FGD6: variants seen among roughly 807,000 people sequenced by gnomAD.
The protein encoded by FGD6 is FYVE, RhoGEF and PH domain containing 6, also known as FYVE, RhoGEF and PH domain-containing protein 6.
A neutral mutation model predicts 149.4 loss-of-function variants in FGD6; 90 were observed. That is an observed-to-expected ratio of 0.60 (90% CI 0.51 to 0.72). FGD6 has a LOEUF of 0.72. FGD6 is among the 30% of genes least tolerant of loss of function. The pLI, the probability that FGD6 is intolerant of heterozygous loss-of-function variation, is 0.00. For missense variants in FGD6, 1,437 were observed against 1,684.8 expected, an observed-to-expected ratio of 0.85 and a Z score of 2.57; for synonymous variants, 527 against 584.0, an observed-to-expected ratio of 0.90 and a Z score of 1.41.
chr12:95,118,180 A>T (rs1879078112), intron 8 of FGD6, among the ~76,000 whole-genome samples: 1 of 151,554 alleles, frequency 6.6e-6, no homozygotes, highest in Non-Finnish European at 1.5e-5. Flanking sequence ...GTGAAACCCC[A>T]TCTCTACTAA....
chr12:95,169,713 C>T (rs183946735), intron 3 of FGD6, among the ~76,000 whole-genome samples: 5 of 152,262 alleles, frequency 3.3e-5, no homozygotes, highest in Admixed American at 1.3e-4. Context: ...AAAAGATTCA[C>T]GCAAAACAAA....
At chr12:95,203,657 A>G (rs2056674756) in intron 2 of FGD6, among the ~76,000 whole-genome samples, 1 of 142,082 alleles carries the variant, frequency 7.0e-6, no homozygotes, top group Non-Finnish European at 1.5e-5. Context: ...TGAAAGTACA[A>G]TGCTTGACAT....
intron 12 of FGD6, 89 bp downstream of exon 12, chr12:95,107,474 G>A: frequency 7.8e-7 from 1 of 1,281,560 alleles, no homozygotes; most frequent in Non-Finnish European, 1.1e-6. Context: ...ATTTGAAGGT[G>A]CTAAGCTTAT....
chr12:95,173,646 G>T (rs1881053776), intron 2 of FGD6, among the ~76,000 whole-genome samples: 1 of 152,170 alleles, frequency 6.6e-6, no homozygotes, highest in Non-Finnish European at 1.5e-5. Flanking sequence ...GCATTGGCTG[G>T]AAAGATTCAG....
At chr12:95,112,451 T>C (rs1353297049) in intron 9 of FGD6, among the ~76,000 whole-genome samples, 1 of 151,426 alleles carries the variant, frequency 6.6e-6, no homozygotes, top group Non-Finnish European at 1.5e-5. Flanking sequence ...AATACAAAAA[T>C]CAGCCGGGCA....
chr12:95,183,422 T>C (rs1410913044), intron 2 of FGD6, among the ~76,000 whole-genome samples: 1 of 152,204 alleles, frequency 6.6e-6, no homozygotes. Context: ...TGCCCTCCTC[T>C]AGGCTGGGAC....
intron 3 of FGD6, among the ~76,000 whole-genome samples, chr12:95,164,073 A>G (rs951074569): frequency 6.6e-6 from 1 of 152,208 alleles, no homozygotes; most frequent in Non-Finnish European, 1.5e-5. Flanking sequence ...GCGTCTCCCA[A>G]AAGTACACTG....
chr12:95,204,629 C>CT (rs1426382792), intron 2 of FGD6, among the ~76,000 whole-genome samples: 2 of 152,166 alleles, frequency 1.3e-5, no homozygotes, highest in East Asian at 3.9e-4. Context: ...ATTTGCTCCT[C>CT]TGAGATCCCA....
In FGD6 at chr12:95,209,118, C is replaced by T. The variant is rs150895781; in HGVS notation, c.2166G>A (p.Leu722=). Reference sequence around the variant, plus strand: ...ACTCCCGGGAGAGCATTTGGTCATCCAAAGACTCAGCTCTCAGACCATTAG... The same window carrying T: ...ACTCCCGGGAGAGCATTTGGTCATCTAAAGACTCAGCTCTCAGACCATTAG... ...SAANGLRAES[L]DDQMLSRESS... Residue 722 remains leucine, a synonymous_variant, in exon 2 of 21, where the codon TTG becomes TTA. Coordinates refer to ENST00000343958, the MANE Select transcript of FGD6 (RefSeq NM_018351.4). The T allele has an allele frequency of 1.9e-6, 3 of 1,614,132 alleles. No homozygotes were observed. The highest frequency in any genetic ancestry group is 1.1e-5 in the South Asian group (1 of 91,074).
intron 2 of FGD6, among the ~76,000 whole-genome samples, chr12:95,192,321 C>G (rs1191346713): frequency 6.6e-6 from 1 of 152,090 alleles, no homozygotes; most frequent in Non-Finnish European, 1.5e-5. Flanking sequence ...TGAGTTGGTG[C>G]TGTGCAACAG....
chr12:95,136,133 G>A (rs1415555865), intron 7 of FGD6, among the ~76,000 whole-genome samples: 1 of 152,154 alleles, frequency 6.6e-6, no homozygotes, highest in Non-Finnish European at 1.5e-5. Flanking sequence ...GCCAAGGTGG[G>A]TGGATCATGA....
chr12:95,200,473 C>G (rs2056651292), intron 2 of FGD6, among the ~76,000 whole-genome samples: 1 of 152,106 alleles, frequency 6.6e-6, no homozygotes, highest in Non-Finnish European at 1.5e-5. Flanking sequence ...GCATTTCCAT[C>G]ACTGTTCATT....
intron 5 of FGD6, among the ~76,000 whole-genome samples, chr12:95,146,597 G>C (rs117500433): frequency 1.7e-4 from 26 of 152,180 alleles, no homozygotes; most frequent in Non-Finnish European, 3.1e-4. Flanking sequence ...CAAGTACCTC[G>C]ACTTCATCCT....
intron 2 of FGD6, among the ~76,000 whole-genome samples, chr12:95,182,919 T>C (rs1320879895): frequency 6.6e-6 from 1 of 152,238 alleles, no homozygotes; most frequent in Admixed American, 6.5e-5. Context: ...TTTGTCCTGG[T>C]GTCAGCTGTA....
At chr12:95,201,171 T>C (rs1460731699) in intron 2 of FGD6, among the ~76,000 whole-genome samples, 1 of 152,198 alleles carries the variant, frequency 6.6e-6, no homozygotes, top group African/African-American at 2.4e-5. Flanking sequence ...CTTATGAATA[T>C]GTGAAATATG....
chr12:95,165,628 G>A lies in FGD6; in HGVS notation c.2586+6972C>T, dbSNP rs1019545820. On this transcript the variant is annotated intron_variant, in intron 3 of 20. Transcript: ENST00000343958. ...GCTAAGATTACAGGCATGAGCCACC[G>A]CGCCCGGCCAATTTTGTTTTTTCCT... Among the ~76,000 whole-genome samples the A allele has an allele frequency of 3.5e-4, 52 of 149,450 alleles. 1 individual carries two copies. The highest frequency in any genetic ancestry group is 2.2e-4 in the Non-Finnish European group (15 of 67,230).
chr12:95,165,967 T>TG (rs1014340333), intron 3 of FGD6, among the ~76,000 whole-genome samples: 12 of 151,206 alleles, frequency 7.9e-5, no homozygotes, highest in Non-Finnish European at 1.3e-4. Flanking sequence ...TTTTCTGTTT[T>TG]TTTTTTTTTT....
At chr12:95,145,545 T>C (rs1879986353) in intron 5 of FGD6, among the ~76,000 whole-genome samples, 1 of 152,138 alleles carries the variant, frequency 6.6e-6, no homozygotes, top group South Asian at 2.1e-4. Flanking sequence ...AAGTTTCTTG[T>C]TAGTAATTTT....
chr12:95,093,151 G>A (rs561201388), intron 15 of FGD6, among the ~76,000 whole-genome samples: 3 of 152,206 alleles, frequency 2.0e-5, no homozygotes, highest in East Asian at 3.9e-4. Flanking sequence ...AACCTGGGAG[G>A]TGGAGGTTGC....
Sources: allele counts gnomAD v4.1 joint callset (sites outside exome capture counted in the v4.1 genomes callset), GRCh38; gene constraint gnomAD v4.1.1; transcripts MANE v1.5; gene names NCBI Gene and HGNC (gene_info 2026-07-23, HGNC 2026-07-21).